Variants in LIMCH1 observed in about 807,000 individuals in gnomAD.
LIMCH1 encodes the protein LIM and calponin homology domains 1.
LIMCH1 carries 113 observed loss-of-function variants against 176.5 expected under a neutral mutation model. The observed-to-expected ratio is 0.64, with a 90% CI of 0.55 to 0.75. LIMCH1 has a LOEUF of 0.75. Ranked by LOEUF, LIMCH1 falls within the 30% of genes least tolerant of loss-of-function variation. The pLI is 0.00. For missense variants in LIMCH1, 1,674 were observed against 1,814.9 expected (o/e 0.92, Z 1.41); for synonymous variants, 619 against 645.9 (o/e 0.96, Z 0.63).
chr4:41,594,463 A>G (rs1461919419), intron 1 of LIMCH1, among the ~76,000 whole-genome samples: 1 of 152,200 alleles, frequency 6.6e-6, no homozygotes, highest in East Asian at 1.9e-4. Context: ...TTTGCTGGAA[A>G]TTGTAAATGT....
At chr4:41,520,530 C>T (rs1033262849) in intron 2 of LIMCH1, among the ~76,000 whole-genome samples, 2 of 152,168 alleles carry the variant, frequency 1.3e-5, no homozygotes, top group Admixed American at 1.3e-4. Flanking sequence ...GTTCCCTCCA[C>T]TGCCCCATCC....
At chr4:41,613,721 T>C in intron 5 of LIMCH1, 60 bp downstream of exon 5, 1 of 1,446,956 alleles carries the variant, frequency 6.9e-7, no homozygotes, top group Admixed American at 1.7e-5. Context: ...GGGGCTGCAT[T>C]GCGCCTGGCA....
At chr4:41,514,898 T>C (rs991629982) in intron 2 of LIMCH1, among the ~76,000 whole-genome samples, 3 of 152,188 alleles carry the variant, frequency 2.0e-5, no homozygotes, top group African/African-American at 7.2e-5. Flanking sequence ...TATTTCCCTA[T>C]AGAAGCAGTT....
At chr4:41,454,362 C>G (rs1444839104) in intron 1 of LIMCH1, among the ~76,000 whole-genome samples, 2 of 151,944 alleles carry the variant, frequency 1.3e-5, no homozygotes, top group East Asian at 3.9e-4. Context: ...TGTTTAAAGA[C>G]TTCCACTTGC....
intron 1 of LIMCH1, among the ~76,000 whole-genome samples, chr4:41,441,946 G>A (rs1028782788): frequency 1.3e-5 from 2 of 150,768 alleles, no homozygotes; most frequent in Middle Eastern, 3.4e-3. Flanking sequence ...TTGCTTCTTT[G>A]TCTCTCTCTG....
At chr4:41,691,482 C>T (rs907431852) in intron 30 of LIMCH1, among the ~76,000 whole-genome samples, 2 of 151,232 alleles carry the variant, frequency 1.3e-5, no homozygotes, top group African/African-American at 4.9e-5. Flanking sequence ...CACGGTGGCT[C>T]ATGCCTGTAA....
At chr4:41,461,313 G>A (rs539652089) in intron 1 of LIMCH1, among the ~76,000 whole-genome samples, 2 of 152,250 alleles carry the variant, frequency 1.3e-5, no homozygotes, top group African/African-American at 4.8e-5. Flanking sequence ...TCTCTCACTC[G>A]AGTCCTAGAA....
chr4:41,424,570 C>T (rs1243308894), intron 1 of LIMCH1, among the ~76,000 whole-genome samples: 1 of 152,110 alleles, frequency 6.6e-6, no homozygotes, highest in Non-Finnish European at 1.5e-5. Context: ...GCACCCATAT[C>T]CAAACATATC....
At position 41,380,721 on chromosome 4, in the gene LIMCH1, C is replaced by T. The variant is rs146758252; in HGVS notation, c.96+19785C>T. Among the ~76,000 whole-genome samples the T allele has an allele frequency of 3.0e-3, 454 of 152,112 alleles. 1 individual carries two copies. The highest frequency in any genetic ancestry group is 0.01 in the Admixed American group (154 of 15,286). The stretch of plus-strand genomic sequence containing the variant: ...AAATAAGTGAGTAAGTTGCACTGGG[C>T]GATATTGGCAGATCTAAGATTTAAA... On this transcript the variant is annotated intron_variant, in intron 1 of 26. Coordinates refer to the LIMCH1 transcript ENST00000313860.
At chr4:41,527,494 C>T (rs1425117196) in intron 3 of LIMCH1, among the ~76,000 whole-genome samples, 1 of 152,186 alleles carries the variant, frequency 6.6e-6, no homozygotes, top group Non-Finnish European at 1.5e-5. Flanking sequence ...TACTGCAAAA[C>T]AGCTGGCCTG....
At chr4:41,661,772 T>C (rs2094630652) in intron 19 of LIMCH1, among the ~76,000 whole-genome samples, 1 of 152,174 alleles carries the variant, frequency 6.6e-6, no homozygotes, top group Non-Finnish European at 1.5e-5. Flanking sequence ...CCTATAATCA[T>C]AAAGAATATT....
chr4:41,486,120 G>A lies in LIMCH1; in HGVS notation c.97-8416G>A, dbSNP rs541092665. Among the ~76,000 whole-genome samples the A allele has an allele frequency of 2.0e-5, 3 of 152,312 alleles. No individual in the cohort carries two copies. The East Asian group carries it at 5.8e-4, about 29-fold the overall frequency. On this transcript the variant is annotated intron_variant, in intron 1 of 26. Coordinates refer to the LIMCH1 transcript ENST00000313860. ...ATGAGAGAGCAGGATTTGGGGGACT[G>A]ATGAAGTGCTCCTGACATTGCATGC...
intron 14 of LIMCH1, among the ~76,000 whole-genome samples, chr4:41,639,904 C>T (rs1235648015): frequency 6.6e-6 from 1 of 152,134 alleles, no homozygotes; most frequent in African/African-American, 2.4e-5. Flanking sequence ...CTTTCCTGAG[C>T]CTCAGTTTCA....
chr4:41,441,922 A>C (rs943700556), intron 1 of LIMCH1, among the ~76,000 whole-genome samples: 1 of 152,112 alleles, frequency 6.6e-6, no homozygotes, highest in African/African-American at 2.4e-5. Context: ...GAGTAATTAG[A>C]CTCAGAAATG....
intron 1 of LIMCH1, among the ~76,000 whole-genome samples, chr4:41,582,837 T>G (rs2085749794): frequency 6.6e-6 from 1 of 152,218 alleles, no homozygotes; most frequent in Admixed American, 6.5e-5. Flanking sequence ...TTTTATAAGT[T>G]GGAGGGAAAG....
chr4:41,387,711 T>C (rs959167669), intron 1 of LIMCH1, among the ~76,000 whole-genome samples: 2 of 152,258 alleles, frequency 1.3e-5, no homozygotes, highest in East Asian at 3.8e-4. Context: ...GATATACTCA[T>C]GTTCAGTGAT....
chr4:41,462,151 C>G lies in LIMCH1; in HGVS notation c.97-32385C>G, dbSNP rs566650190. 5.9e-5 allele frequency among the ~76,000 whole-genome samples: 9 copies of G among 152,282 alleles called. No homozygotes were observed. The East Asian group carries it at 1.5e-3, about 26-fold the overall frequency. On this transcript the variant is annotated intron_variant, in intron 1 of 26. Transcript: ENST00000313860. ...ATCAAGTGCTGAACTTTGAGTGCAT[C>G]CAGCCCCAGCATCTGGTGTGGGGAT...
chr4:41,386,578 G>A (rs904760658), intron 1 of LIMCH1, among the ~76,000 whole-genome samples: 2 of 152,156 alleles, frequency 1.3e-5, no homozygotes, highest in Admixed American at 1.3e-4. Flanking sequence ...TTATGAAATG[G>A]ACAGGCAAAC....
At chr4:41,371,050 C>T (rs769038882) in intron 1 of LIMCH1, among the ~76,000 whole-genome samples, 3 of 152,070 alleles carry the variant, frequency 2.0e-5, no homozygotes, top group Non-Finnish European at 2.9e-5. Context: ...ACAGCTGCTC[C>T]GTATATATTT....
Sources: allele counts gnomAD v4.1 joint callset (sites outside exome capture counted in the v4.1 genomes callset), GRCh38; gene constraint gnomAD v4.1.1; transcripts MANE v1.5; gene names NCBI Gene and HGNC (gene_info 2026-07-23, HGNC 2026-07-21).